Variants in PARVB observed in about 807,000 individuals in gnomAD.
PARVB encodes beta-parvin.
Under a neutral mutation model 47.0 loss-of-function variants are expected in PARVB, and 46 were observed. The ratio of observed to expected loss-of-function variants is 0.98; its 90% CI spans 0.77 to 1.25. The LOEUF (loss-of-function observed/expected upper bound fraction) is 1.25, where lower values mean the gene tolerates loss of function less well. Among genes scored for constraint, PARVB ranks in the 50% most tolerant of loss-of-function variants. The pLI, the probability that PARVB is intolerant of heterozygous loss-of-function variation, is 0.00. For missense variants in PARVB, 473 were observed against 471.6 expected (o/e 1.00, Z -0.03); for synonymous variants, 196 against 196.3 (o/e 1.00, Z 0.01).
chr22:44,110,038 G>A (rs937404759), intron 3 of PARVB: 8 of 140,864 alleles, frequency 5.7e-5, no homozygotes, highest in Middle Eastern at 4.2e-3. Flanking sequence ...GCGTGAACCC[G>A]GGAGGCGGAG....
At chr22:44,151,117 T>C (rs2053798155) in intron 9 of PARVB, 1 of 183,528 alleles carries the variant, frequency 5.4e-6, no homozygotes, top group Admixed American at 5.5e-5. Context: ...CCGTTTATTG[T>C]TCCAGGTCAC....
chr22:44,027,378 G>A (rs1222006973), intron 1 of PARVB, among the ~76,000 whole-genome samples: 2 of 152,214 alleles, frequency 1.3e-5, no homozygotes, highest in Non-Finnish European at 2.9e-5. Flanking sequence ...GCCGGCCCTG[G>A]CCAGTGTGGA....
intron 1 of PARVB, among the ~76,000 whole-genome samples, chr22:44,080,326 A>G (rs1232085801): frequency 6.6e-6 from 1 of 152,240 alleles, no homozygotes; most frequent in African/African-American, 2.4e-5. Flanking sequence ...GAGTCCCAAC[A>G]TCAAGGTGGC....
intron 11 of PARVB, among the ~76,000 whole-genome samples, chr22:44,161,503 G>A (rs140122245): frequency 2.0e-5 from 3 of 152,014 alleles, no homozygotes; most frequent in East Asian, 1.9e-4. Flanking sequence ...TAGTAGAGAC[G>A]GGGTTTTACC....
At chr22:44,051,266 C>T (rs2051203231) in intron 1 of PARVB, among the ~76,000 whole-genome samples, 1 of 152,162 alleles carries the variant, frequency 6.6e-6, no homozygotes, top group African/African-American at 2.4e-5. Flanking sequence ...ACAATTCTTA[C>T]GAAGAGAGAA....
chr22:44,006,770 C>T (rs2050469851), intron 2 of PARVB, among the ~76,000 whole-genome samples: 1 of 152,222 alleles, frequency 6.6e-6, no homozygotes, highest in African/African-American at 2.4e-5. Flanking sequence ...TCCATACCTT[C>T]AGCCCTCTCC....
chr22:44,036,062 A>T (rs970663838), intron 1 of PARVB, among the ~76,000 whole-genome samples: 4 of 152,132 alleles, frequency 2.6e-5, no homozygotes, highest in African/African-American at 9.7e-5. Context: ...GTTCGACACC[A>T]GCCTGGCCAA....
At chr22:44,128,473 A>C (rs574437062) in intron 4 of PARVB, among the ~76,000 whole-genome samples, 46 of 152,318 alleles carry the variant, frequency 3.0e-4, no homozygotes, top group African/African-American at 1.1e-3. Flanking sequence ...TGATGATGCA[A>C]GTGATCATGT....
At chr22:44,161,505 G>T (rs934417548) in intron 11 of PARVB, among the ~76,000 whole-genome samples, 1 of 151,920 alleles carries the variant, frequency 6.6e-6, no homozygotes, top group African/African-American at 2.4e-5. Flanking sequence ...GTAGAGACGG[G>T]GTTTTACCAT....
intron 1 of PARVB, among the ~76,000 whole-genome samples, chr22:44,060,939 T>C (rs1477022835): frequency 6.6e-6 from 1 of 152,182 alleles, no homozygotes; most frequent in Non-Finnish European, 1.5e-5. Flanking sequence ...CTTTTTCTTA[T>C]ATATGTTTCT....
chr22:44,120,681 T>C (rs2053025014), intron 4 of PARVB, among the ~76,000 whole-genome samples: 1 of 152,106 alleles, frequency 6.6e-6, no homozygotes, highest in Non-Finnish European at 1.5e-5. Context: ...TTTTTATTTG[T>C]TCTATTTTGG....
chr22:44,164,046 T>C, intron 12 of PARVB, 116 bp downstream of exon 12: 2 of 698,908 alleles, frequency 2.9e-6, no homozygotes, highest in Non-Finnish European at 4.7e-6. Flanking sequence ...CCCACGTCTC[T>C]GGCTCTGGGG....
intron 12 of PARVB, 103 bp downstream of exon 12, chr22:44,164,033 G>A: frequency 2.5e-6 from 2 of 795,724 alleles, no homozygotes; most frequent in South Asian, 3.7e-5. Context: ...TCCCCAGATG[G>A]GCCCCACGTC....
chr22:44,035,376 T>TCC (rs1435394673), intron 1 of PARVB, among the ~76,000 whole-genome samples: 3 of 148,496 alleles, frequency 2.0e-5, no homozygotes, highest in Non-Finnish European at 1.5e-5. Context: ...TCCTTTTTTT[T>TCC]TTTTTTTTTT....
intron 3 of PARVB, chr22:44,110,566 C>CAAA (rs1234751989): frequency 2.0e-5 from 3 of 151,994 alleles, no homozygotes; most frequent in Non-Finnish European, 2.9e-5. Flanking sequence ...TCCAGGAGTC[C>CAAA]TTTGAATTTA....
chr22:44,044,482 G>A (rs1274259497), intron 1 of PARVB, among the ~76,000 whole-genome samples: 3 of 151,286 alleles, frequency 2.0e-5, no homozygotes, highest in African/African-American at 4.9e-5. Context: ...GAGCCACCAC[G>A]CCCGGCCTGT....
intron 7 of PARVB, among the ~76,000 whole-genome samples, chr22:44,138,554 G>A (rs1199068368): frequency 1.3e-5 from 2 of 152,150 alleles, no homozygotes; most frequent in Non-Finnish European, 2.9e-5. Flanking sequence ...AGGCTCTGAC[G>A]GAACATTTGA....
Position 44,109,122 on chromosome 22 carries a change from A to T in PARVB, c.273+8999A>T, listed in dbSNP as rs1388089014. The T allele has an allele frequency of 2.0e-5, 3 of 152,400 alleles. No homozygotes were observed. The East Asian group carries it at 5.8e-4, about 29-fold the overall frequency. 9.4% of individuals were successfully genotyped at this position (152,400 alleles called of 1,614,324 possible). On this transcript the variant is annotated intron_variant, in intron 3 of 12. Coordinates refer to ENST00000338758, the MANE Select transcript of PARVB (RefSeq NM_013327.5). The stretch of plus-strand genomic sequence containing the variant: ...CTCTCCGAAGAAAATCAGCTGCATG[A>T]AAACGATCCTCTGGGCAGAAATTGG...
intron 3 of PARVB, among the ~76,000 whole-genome samples, chr22:44,116,595 G>A (rs963958424): frequency 2.0e-5 from 3 of 152,236 alleles, no homozygotes; most frequent in Non-Finnish European, 4.4e-5. Flanking sequence ...AGCAAGTGCT[G>A]GTGCTGCGGA....
Sources: allele counts gnomAD v4.1 joint callset (sites outside exome capture counted in the v4.1 genomes callset), GRCh38; gene constraint gnomAD v4.1.1; transcripts MANE v1.5; gene names NCBI Gene and HGNC (gene_info 2026-07-23, HGNC 2026-07-21).